Variants in MAP3K2 observed in about 807,000 individuals in gnomAD.
MAP3K2 encodes mitogen-activated protein kinase kinase kinase 2.
A neutral mutation model predicts 80.3 loss-of-function variants in MAP3K2; 24 were observed. That is an observed-to-expected ratio of 0.30 (90% CI 0.22 to 0.42). The LOEUF is 0.42. MAP3K2 is among the 10% of genes least tolerant of loss of function. The pLI, the probability that MAP3K2 is intolerant of heterozygous loss-of-function variation, is 1.00. For missense variants in MAP3K2, 608 were observed against 750.1 expected, an observed-to-expected ratio of 0.81 and a Z score of 2.21; for synonymous variants, 244 against 253.7, an observed-to-expected ratio of 0.96 and a Z score of 0.36.
rs1686439457 is a variant in MAP3K2 at position 127,339,643 on chromosome 2, A to G, written c.5-593T>C. On this transcript the variant is annotated intron_variant, in intron 2 of 16. Transcript: ENST00000682094. The surrounding 1 kb of genome is among the most constrained non-coding windows in gnomAD (Gnocchi z 4.2). ...AAAGATCTTGGCCAGCAACAATGTA[A>G]GAAAATTCCTTTCCTTAGAAAAAGT... Among the ~76,000 whole-genome samples, 1 of 152,214 alleles carries G rather than the reference A, an allele frequency of 6.6e-6. No homozygotes were observed. The highest frequency in any genetic ancestry group is 1.5e-5 in the Non-Finnish European group (1 of 68,032).
intron 1 of MAP3K2, among the ~76,000 whole-genome samples, chr2:127,373,052 G>A (rs1450279161): frequency 6.6e-6 from 1 of 152,192 alleles, no homozygotes; most frequent in Non-Finnish European, 1.5e-5. Context: ...GGACAGAGAA[G>A]AATTTGCATT....
In MAP3K2 at chr2:127,359,109, A is replaced by G. The variant is rs575719222; in HGVS notation, c.-65-15915T>C. Among the ~76,000 whole-genome samples the G allele has an allele frequency of 1.1e-4, 17 of 152,254 alleles. No homozygotes were observed. The South Asian group carries it at 2.1e-3, about 19-fold the overall frequency. ...TGAAATCATTCTGTATGATATTGTA[A>G]TAGCAGATATACATCACTATACTAT... On this transcript the variant is annotated intron_variant, in intron 1 of 16. Coordinates refer to ENST00000682094, the MANE Select transcript of MAP3K2 (RefSeq NM_001371910.2).
At position 127,364,537 on chromosome 2, in the gene MAP3K2, T is replaced by C. The variant is rs1385632578; in HGVS notation, c.-65-21343A>G. ...ACTGTCAGACGATGTGCTAGACATT[T>C]CACATACACTACCACCTAACCCTGG... On this transcript the variant is annotated intron_variant, in intron 1 of 16. Coordinates refer to ENST00000682094, the MANE Select transcript of MAP3K2 (RefSeq NM_001371910.2). This position sits in a 1 kb window ranked among gnomAD's most constrained non-coding sequence, Gnocchi z 4.1. Among the ~76,000 whole-genome samples the C allele has an allele frequency of 6.6e-6, 1 of 152,168 alleles. No individual in the cohort carries two copies. The highest frequency in any genetic ancestry group is 1.5e-5 in the Non-Finnish European group (1 of 68,040).
intron 12 of MAP3K2, among the ~76,000 whole-genome samples, chr2:127,318,932 T>C (rs1175740756): frequency 2.0e-5 from 3 of 152,114 alleles, no homozygotes; most frequent in Non-Finnish European, 2.9e-5. Context: ...TTTAAACAAA[T>C]GTGGGCTGGC....
At chr2:127,341,172 G>A (rs1347608301) in intron 2 of MAP3K2, among the ~76,000 whole-genome samples, 2 of 151,916 alleles carry the variant, frequency 1.3e-5, no homozygotes, top group African/African-American at 2.4e-5. Flanking sequence ...TGTATTTTTA[G>A]TAGAGATGGG....
intron 1 of MAP3K2, among the ~76,000 whole-genome samples, chr2:127,382,840 G>A (rs1288289327): frequency 6.6e-6 from 1 of 152,234 alleles, no homozygotes. Context: ...TCGGTATATT[G>A]ATAGGGGTTG....
intron 1 of MAP3K2, among the ~76,000 whole-genome samples, chr2:127,362,237 G>A (rs1294285001): frequency 1.3e-5 from 2 of 152,164 alleles, no homozygotes; most frequent in African/African-American, 4.8e-5. Flanking sequence ...GTGACCGCAG[G>A]CAAATGACTT....
intron 1 of MAP3K2, among the ~76,000 whole-genome samples, chr2:127,348,637 T>C (rs1172155596): frequency 6.6e-6 from 1 of 152,050 alleles, no homozygotes; most frequent in African/African-American, 2.4e-5. Flanking sequence ...TTTTGGGGGA[T>C]GAGGAAATGT....
At chr2:127,388,040 G>T (rs1421637036), upstream of MAP3K2, 3 of 983,606 alleles carry the variant, frequency 3.1e-6, no homozygotes, top group East Asian at 2.3e-4. Context: ...CCGCCCGGCG[G>T]TAGCGGAACC....
rs1685657094 is a variant in MAP3K2, at chr2:127,304,417, T to C, written c.*3162A>G. 1 of 152,180 alleles carries C rather than the reference T, an allele frequency of 6.6e-6. No homozygotes were observed. Among genetic ancestry groups the C allele is most frequent in the African/African-American group, 2.4e-5 (1 of 41,460 alleles). The allele number at this position is 152,180 out of a possible 1,614,324, so 9.4% of individuals were successfully genotyped here. Reference sequence around the variant, plus strand: ...TTATATTTGGTCCAAGCCTAAGTCATGCCACTTTGAATCTCTCAAGGCCTT... The same window carrying C: ...TTATATTTGGTCCAAGCCTAAGTCACGCCACTTTGAATCTCTCAAGGCCTT... On this transcript the variant is annotated 3_prime_UTR_variant, in exon 17 of 17. Transcript: ENST00000682094.
At chr2:127,373,121 C>T (rs1427030643) in intron 1 of MAP3K2, among the ~76,000 whole-genome samples, 1 of 152,198 alleles carries the variant, frequency 6.6e-6, no homozygotes, top group Non-Finnish European at 1.5e-5. Flanking sequence ...GAAAGTGCTT[C>T]CCCAAGGAAT....
chr2:127,322,457 A>G lies in MAP3K2; in HGVS notation c.839-205T>C, dbSNP rs753138313. Among the ~76,000 whole-genome samples, 2 of 152,242 alleles carry G rather than the reference A, an allele frequency of 1.3e-5. No homozygotes were observed. Among genetic ancestry groups the G allele is most frequent in the Non-Finnish European group, 2.9e-5 (2 of 68,040 alleles). ...TATGATAAAACATGTATGAGTGTGC[A>G]CACAGAAACATACACACACACATCT... On this transcript the variant is annotated intron_variant, in intron 11 of 16. Coordinates refer to ENST00000682094, the MANE Select transcript of MAP3K2 (RefSeq NM_001371910.2). This position sits in a 1 kb window ranked among gnomAD's most constrained non-coding sequence, Gnocchi z 4.2.
At chr2:127,330,145 T>C in intron 6 of MAP3K2, 137 bp from the exon 7 acceptor site, 1 of 609,898 alleles carries the variant, frequency 1.6e-6, no homozygotes, top group Non-Finnish European at 2.9e-6. Flanking sequence ...AAATTTTAAT[T>C]CTAACATAAT....
intron 1 of MAP3K2, among the ~76,000 whole-genome samples, chr2:127,357,543 A>C (rs1020259068): frequency 1.1e-4 from 16 of 152,224 alleles, no homozygotes; most frequent in African/African-American, 3.9e-4. Context: ...AGAAATTCTA[A>C]AACAAGTTTG....
At chr2:127,359,796 G>A (rs1306867673) in intron 1 of MAP3K2, among the ~76,000 whole-genome samples, 1 of 152,160 alleles carries the variant, frequency 6.6e-6, no homozygotes, top group African/African-American at 2.4e-5. Flanking sequence ...CATGTGAAGT[G>A]CTGGCTCCCC....
upstream of MAP3K2, chr2:127,388,134 C>G (rs1687413738): frequency 2.7e-5 from 27 of 985,154 alleles, no homozygotes; most frequent in South Asian, 8.9e-4. Context: ...CCACCGCCCC[C>G]ACCGGCCGGA....
At chr2:127,324,054 T>C in intron 10 of MAP3K2, 60 bp from the exon 11 acceptor site, 1 of 1,099,850 alleles carries the variant, frequency 9.1e-7, no homozygotes, top group Non-Finnish European at 1.3e-6. Flanking sequence ...ATATTTCTAA[T>C]GATGAAAAGC....
Position 127,322,741 on chromosome 2 carries a change from C to T in MAP3K2, c.839-489G>A, listed in dbSNP as rs1001854763. ...CCCAAGTAGCTGGGATTACAGGCGC[C>T]CACCACCATGCCCAGCTAATTTTTT... On this transcript the variant is annotated intron_variant, in intron 11 of 16. Transcript: ENST00000682094. The surrounding 1 kb of genome is among the most constrained non-coding windows in gnomAD (Gnocchi z 4.2). Among the ~76,000 whole-genome samples the T allele has an allele frequency of 2.0e-5, 3 of 151,660 alleles. No homozygotes were observed. Among genetic ancestry groups the T allele is most frequent in the Admixed American group, 6.6e-5 (1 of 15,224 alleles).
At chr2:127,313,643 A>G (rs894604875) in intron 15 of MAP3K2, among the ~76,000 whole-genome samples, 4 of 152,246 alleles carry the variant, frequency 2.6e-5, no homozygotes, top group Non-Finnish European at 2.9e-5. Context: ...ACACATTTAC[A>G]GTAATACATT....
Sources: gnomAD v4.1 joint callset for allele counts (sites outside exome capture counted in the v4.1 genomes callset) on GRCh38, gnomAD v4.1.1 for gene constraint, Gnocchi (gnomAD v3.1) non-coding constraint, MANE v1.5 for transcripts, NCBI Gene and HGNC (gene_info 2026-07-23, HGNC 2026-07-21) for gene names.